CNRIP1: variants seen among roughly 807,000 people sequenced by gnomAD.
CNRIP1 encodes the protein CB1 cannabinoid receptor-interacting protein 1.
In CNRIP1, 10 loss-of-function variants were observed where a neutral mutation model predicts 15.2. The ratio of observed to expected loss-of-function variants is 0.66; its 90% CI spans 0.41 to 1.12. The LOEUF (loss-of-function observed/expected upper bound fraction) is 1.12, where lower values mean the gene tolerates loss of function less well. Ranked by LOEUF, CNRIP1 falls within the 50% of genes most tolerant of loss-of-function variation. The pLI, the probability that CNRIP1 is intolerant of heterozygous loss-of-function variation, is 0.00. For missense variants in CNRIP1, 211 were observed against 214.7 expected (o/e 0.98, Z 0.11); for synonymous variants, 91 against 83.2 (o/e 1.09, Z -0.51).
At chr2:68,289,739 C>T (rs952201748), downstream of CNRIP1, among the ~76,000 whole-genome samples, 5 of 152,198 alleles carry the variant, frequency 3.3e-5, no homozygotes, top group Non-Finnish European at 5.9e-5. Context: ...CATTGGCCCC[C>T]CAAAGTGCTG....
At chr2:68,318,932 G>T (rs189720078) in intron 1 of CNRIP1, among the ~76,000 whole-genome samples, 22 of 152,376 alleles carry the variant, frequency 1.4e-4, no homozygotes, top group Admixed American at 4.6e-4. Context: ...GAAGGCAGGA[G>T]AAATTTATAA....
chr2:68,291,228 C>T (rs964395306), downstream of CNRIP1, among the ~76,000 whole-genome samples: 5 of 152,122 alleles, frequency 3.3e-5, no homozygotes, highest in African/African-American at 1.2e-4. Context: ...TTGATTCAAC[C>T]TTACTTCTGG....
intron 1 of CNRIP1, 149 bp downstream of exon 1, chr2:68,319,073 C>G: frequency 4.4e-6 from 3 of 686,410 alleles, no homozygotes; most frequent in Non-Finnish European, 6.8e-6. Flanking sequence ...CGAAGGCGGA[C>G]AGGGAGTGAC....
chr2:68,314,526 C>A (rs1162639819), intron 2 of CNRIP1, among the ~76,000 whole-genome samples: 5 of 151,536 alleles, frequency 3.3e-5, no homozygotes, highest in Admixed American at 6.6e-5. Flanking sequence ...TTAGACAATG[C>A]AATATGACCA....
intron 2 of CNRIP1, among the ~76,000 whole-genome samples, chr2:68,286,054 C>G (rs769732086): frequency 1.8e-4 from 28 of 152,168 alleles, no homozygotes; most frequent in Admixed American, 3.3e-4. Flanking sequence ...TAGGTACTTA[C>G]GTTGTCTTTT....
At chr2:68,297,292 C>T (rs548422660) in intron 2 of CNRIP1, among the ~76,000 whole-genome samples, 3 of 152,056 alleles carry the variant, frequency 2.0e-5, no homozygotes, top group South Asian at 4.1e-4. Context: ...ATAGGCTGGG[C>T]GCAGTGGCTC....
chr2:68,298,263 C>A (rs1426724563), intron 2 of CNRIP1, among the ~76,000 whole-genome samples: 1 of 152,032 alleles, frequency 6.6e-6, no homozygotes, highest in African/African-American at 2.4e-5. Flanking sequence ...ATTCAATTAA[C>A]ATTTTAATTC....
Position 68,319,362 on chromosome 2 carries a change from C to A in CNRIP1, c.39G>T (p.Ala13=), listed in dbSNP as rs754132836. 4 of 1,585,430 alleles carry A rather than the reference C, an allele frequency of 2.5e-6. No homozygotes were observed. Among genetic ancestry groups the A allele is most frequent in the South Asian group, 1.1e-5 (1 of 87,650 alleles). The change falls in exon 1 of 3, where the codon GCG becomes GCT. Residue 13 remains alanine (A), a synonymous_variant. Coordinates refer to ENST00000263655, the MANE Select transcript of CNRIP1 (RefSeq NM_015463.3). ...GGCCGTCATTAGGCTGGATGCGCAG[C>A]GCGATGGAGAGGCGCACGAGGCCCG... The part of the protein sequence containing the change: ...DLPGLVRLSI[A]LRIQPNDGPV...
Position 68,319,433 on chromosome 2 carries a change from G to C in CNRIP1, c.-33C>G. The C allele has an allele frequency of 1.3e-6, 2 of 1,495,520 alleles. No homozygotes were observed. Among genetic ancestry groups the C allele is most frequent in the South Asian group, 1.3e-5 (1 of 78,504 alleles). 92.6% of individuals were successfully genotyped at this position (1,495,520 alleles called of 1,614,324 possible). ...CGAGGGTCTGGCGCGGCGGCTCCGG[G>C]GGGCGGAGGACAGCGCCGGCTGCGG... On this transcript the variant is annotated 5_prime_UTR_variant, in exon 1 of 3. Transcript: ENST00000263655.
At chr2:68,307,055 C>T (rs1041850253) in intron 2 of CNRIP1, among the ~76,000 whole-genome samples, 2 of 152,138 alleles carry the variant, frequency 1.3e-5, no homozygotes, top group Non-Finnish European at 2.9e-5. Flanking sequence ...CATTTTGATT[C>T]AGTTGATTTT....
chr2:68,313,062 G>A (rs545917377), intron 2 of CNRIP1, among the ~76,000 whole-genome samples: 2 of 152,086 alleles, frequency 1.3e-5, no homozygotes, highest in East Asian at 3.9e-4. Flanking sequence ...AAACACAAAG[G>A]ACCTAGATTA....
chr2:68,302,498 G>A (rs1368839898), intron 2 of CNRIP1, among the ~76,000 whole-genome samples: 1 of 152,210 alleles, frequency 6.6e-6, no homozygotes, highest in African/African-American at 2.4e-5. Context: ...AATGGGGTTT[G>A]AGAGGCATAA....
At chr2:68,304,790 G>T (rs1486888460) in intron 2 of CNRIP1, among the ~76,000 whole-genome samples, 2 of 151,980 alleles carry the variant, frequency 1.3e-5, no homozygotes, top group African/African-American at 2.4e-5. Context: ...TTTCTAATAG[G>T]CTGATAATAA....
chr2:68,303,654 A>G (rs999898275), intron 2 of CNRIP1, among the ~76,000 whole-genome samples: 2 of 152,250 alleles, frequency 1.3e-5, no homozygotes, highest in African/African-American at 2.4e-5. Context: ...AAGAATTTCT[A>G]TATCTTTTTG....
chr2:68,287,348 C>CA lies in CNRIP1; in HGVS notation c.331-2865dup, dbSNP rs558628197. ...TAGTTTCTTGTTCATCTCTCCACCC[C>CA]AAAAAAGCAGATTGATACAACATAA... On this transcript the variant is annotated intron_variant, in intron 2 of 2. Transcript: ENST00000409559. Among the ~76,000 whole-genome samples the CA allele has an allele frequency of 2.4e-3, 359 of 152,146 alleles. 1 individual carries two copies. The highest frequency in any genetic ancestry group is 0.01 in the Middle Eastern group (3 of 294).
At chr2:68,285,297 C>G (rs942464785) in intron 2 of CNRIP1, among the ~76,000 whole-genome samples, 5 of 151,176 alleles carry the variant, frequency 3.3e-5, no homozygotes, top group African/African-American at 7.3e-5. Flanking sequence ...GACAATCTCC[C>G]TCCCAAGATA....
At chr2:68,291,160 G>C (rs148203559), downstream of CNRIP1, among the ~76,000 whole-genome samples, 2 of 152,138 alleles carry the variant, frequency 1.3e-5, no homozygotes, top group African/African-American at 4.8e-5. Context: ...ATCACTTAAC[G>C]TGCAGATTAG....
chr2:68,304,095 A>C (rs1671718858), intron 2 of CNRIP1, among the ~76,000 whole-genome samples: 1 of 151,528 alleles, frequency 6.6e-6, no homozygotes, highest in African/African-American at 2.4e-5. Context: ...AAAAAAACAA[A>C]CAAAAAAGCC....
At chr2:68,302,941 G>T (rs1212547685) in intron 2 of CNRIP1, among the ~76,000 whole-genome samples, 1 of 130,304 alleles carries the variant, frequency 7.7e-6, no homozygotes, top group African/African-American at 2.6e-5. Context: ...CCGCCCCCCG[G>T]GGTTCACGCC....
Sources: gnomAD v4.1 joint callset for allele counts (sites outside exome capture counted in the v4.1 genomes callset) on GRCh38, gnomAD v4.1.1 for gene constraint, MANE v1.5 for transcripts, NCBI Gene and HGNC (gene_info 2026-07-23, HGNC 2026-07-21) for gene names.